The following PRKG1 variants were observed in gnomAD, a reference collection of about 807,000 sequenced individuals.
PRKG1 encodes the protein protein kinase cGMP-dependent 1, also known as cGMP-dependent protein kinase 1.
In PRKG1, 35 loss-of-function variants were observed where a neutral mutation model predicts 88.1. That is an observed-to-expected ratio of 0.40 (90% CI 0.30 to 0.53). The LOEUF is 0.53. PRKG1 is among the 20% of genes least tolerant of loss of function. The pLI, the probability that PRKG1 is intolerant of heterozygous loss-of-function variation, is 0.59. For missense variants in PRKG1, 540 were observed against 839.8 expected (o/e 0.64, Z 4.41); for synonymous variants, 303 against 292.5 (o/e 1.04, Z -0.37).
At chr10:52,035,085 C>T (rs1845571835) in intron 5 of PRKG1, among the ~76,000 whole-genome samples, 1 of 152,192 alleles carries the variant, frequency 6.6e-6, no homozygotes, top group African/African-American at 2.4e-5. Flanking sequence ...CTAATAAATG[C>T]TTGTCTGTTA....
At chr10:51,756,643 A>G (rs1004459091) in intron 3 of PRKG1, among the ~76,000 whole-genome samples, 3 of 151,810 alleles carry the variant, frequency 2.0e-5, no homozygotes, top group South Asian at 2.1e-4. Flanking sequence ...GTGAAACCCC[A>G]TCTCTACTAA....
intron 4 of PRKG1, among the ~76,000 whole-genome samples, chr10:51,890,515 TAA>T (rs1841691951): frequency 6.6e-6 from 1 of 152,248 alleles, no homozygotes; most frequent in Admixed American, 6.5e-5. Flanking sequence ...GCTATGTTAT[TAA>T]AATTGCCTGA....
chr10:51,669,219 G>T (rs964352168), intron 3 of PRKG1, among the ~76,000 whole-genome samples: 1 of 152,152 alleles, frequency 6.6e-6, no homozygotes. Flanking sequence ...TAGTTCTGAG[G>T]GCTGGAAGTC....
At chr10:51,240,979 T>G (rs564773366) in intron 2 of PRKG1, among the ~76,000 whole-genome samples, 1 of 152,322 alleles carries the variant, frequency 6.6e-6, no homozygotes, top group East Asian at 1.9e-4. Flanking sequence ...TTTAATTAAT[T>G]TTGTAACATC....
At chr10:51,027,782 A>C (rs1843226510) in intron 1 of PRKG1, among the ~76,000 whole-genome samples, 3 of 152,166 alleles carry the variant, frequency 2.0e-5, no homozygotes, top group African/African-American at 4.8e-5. Flanking sequence ...CCAAGTGGAA[A>C]GTGATTATTT....
At chr10:51,821,743 T>C (rs542699817) in intron 4 of PRKG1, among the ~76,000 whole-genome samples, 3 of 152,070 alleles carry the variant, frequency 2.0e-5, no homozygotes, top group Non-Finnish European at 2.9e-5. Context: ...CTAATACATA[T>C]ACAAAATAAG....
At chr10:51,452,642 C>T (rs1839468990) in intron 2 of PRKG1, among the ~76,000 whole-genome samples, 1 of 151,902 alleles carries the variant, frequency 6.6e-6, no homozygotes. Flanking sequence ...GTATAAAACC[C>T]ACTTGATCAT....
At chr10:51,397,674 A>G (rs1365360229) in intron 2 of PRKG1, among the ~76,000 whole-genome samples, 1 of 140,702 alleles carries the variant, frequency 7.1e-6, no homozygotes, top group East Asian at 2.0e-4. Flanking sequence ...GCTGCTTTTC[A>G]ATATTGATGG....
At chr10:51,345,982 C>A (rs1842105073) in intron 2 of PRKG1, among the ~76,000 whole-genome samples, 1 of 152,148 alleles carries the variant, frequency 6.6e-6, no homozygotes, top group African/African-American at 2.4e-5. Context: ...TTTCAAGGCT[C>A]TTGATTCTCT....
At chr10:51,605,016 C>T (rs921783711) in intron 3 of PRKG1, among the ~76,000 whole-genome samples, 1 of 152,106 alleles carries the variant, frequency 6.6e-6, no homozygotes, top group East Asian at 1.9e-4. Flanking sequence ...GGAGGTGGCT[C>T]TCAGTGAGAT....
chr10:52,005,447 C>T (rs1423664782), intron 5 of PRKG1, among the ~76,000 whole-genome samples: 1 of 151,998 alleles, frequency 6.6e-6, no homozygotes, highest in Admixed American at 6.6e-5. Context: ...CTGAGAAATA[C>T]CTGGACAGCA....
At chr10:52,003,635 C>T (rs886427085) in intron 5 of PRKG1, among the ~76,000 whole-genome samples, 3 of 152,154 alleles carry the variant, frequency 2.0e-5, no homozygotes, top group Admixed American at 6.5e-5. Flanking sequence ...AACCCAGATA[C>T]GAACCAGACG....
At chr10:52,254,206 A>G (rs1049159919) in intron 10 of PRKG1, among the ~76,000 whole-genome samples, 2 of 152,008 alleles carry the variant, frequency 1.3e-5, no homozygotes, top group Non-Finnish European at 2.9e-5. Context: ...CATCAGAGTT[A>G]GGAGTAAGAT....
chr10:52,047,829 A>G (rs1845899555), intron 5 of PRKG1, among the ~76,000 whole-genome samples: 2 of 152,128 alleles, frequency 1.3e-5, no homozygotes, highest in South Asian at 4.1e-4. Flanking sequence ...TATTTTAAAT[A>G]ATGTTCTTCA....
intron 2 of PRKG1, among the ~76,000 whole-genome samples, chr10:51,299,850 G>T (rs759504871): frequency 5.3e-5 from 8 of 152,100 alleles, no homozygotes; most frequent in Non-Finnish European, 1.0e-4. Flanking sequence ...GAATTTTGTG[G>T]AAAATCTTGA....
At chr10:51,376,047 G>A (rs1045026379) in intron 2 of PRKG1, among the ~76,000 whole-genome samples, 5 of 152,164 alleles carry the variant, frequency 3.3e-5, no homozygotes, top group African/African-American at 7.2e-5. Flanking sequence ...AAACCGACAA[G>A]AGGTTATGCT....
chr10:51,681,391 T>C (rs2132370640), intron 3 of PRKG1, among the ~76,000 whole-genome samples: 1 of 152,268 alleles, frequency 6.6e-6, no homozygotes, highest in African/African-American at 2.4e-5. Flanking sequence ...GAAGTAAAAA[T>C]TTGAGGAGAA....
intron 2 of PRKG1, among the ~76,000 whole-genome samples, chr10:51,319,330 A>ATT (rs996341425): frequency 2.0e-5 from 3 of 151,960 alleles, no homozygotes; most frequent in Non-Finnish European, 4.4e-5. Context: ...GAAACAACAT[A>ATT]TTTGAACTAT....
At chr10:52,097,759 C>T (rs1847205397) in intron 7 of PRKG1, among the ~76,000 whole-genome samples, 1 of 37,662 alleles carries the variant, frequency 2.7e-5, no homozygotes, top group South Asian at 1.1e-3. Context: ...TTTTAATAGG[C>T]CTAATATATA....
Sources: allele counts gnomAD v4.1 joint callset (sites outside exome capture counted in the v4.1 genomes callset), GRCh38; gene constraint gnomAD v4.1.1; transcripts MANE v1.5; gene names NCBI Gene and HGNC (gene_info 2026-07-23, HGNC 2026-07-21).